PGCKA1: variants seen among roughly 807,000 people sequenced by gnomAD.
PGCKA1 encodes PDCD10 and GCKIII kinases associated 1, also known as PDCD10 and GCKIII kinases-associated protein 1.
chr4:37,494,595 T>C, the PGCKA1 span, among the ~76,000 whole-genome samples: 1 of 152,224 alleles, frequency 6.6e-6, no homozygotes, highest in African/African-American at 2.4e-5. Flanking sequence ...TATGTGTGCA[T>C]ATGTCTTTAT....
chr4:37,463,382 T>A, the PGCKA1 span, among the ~76,000 whole-genome samples: 1 of 152,322 alleles, frequency 6.6e-6, no homozygotes, highest in African/African-American at 2.4e-5. Flanking sequence ...ACCGTCAAGA[T>A]TGCAGTTACA....
chr4:37,460,918 T>C, the PGCKA1 span: 1 of 392,104 alleles, frequency 2.6e-6, no homozygotes, highest in Non-Finnish European at 4.9e-6. Context: ...CCCATGCCTA[T>C]GTCCTGAGTG....
the PGCKA1 span, among the ~76,000 whole-genome samples, chr4:37,533,545 A>G: frequency 5.9e-5 from 9 of 152,232 alleles, no homozygotes; most frequent in African/African-American, 2.2e-4. Context: ...TTCGCTTATA[A>G]ATAAGCAAAC....
the PGCKA1 span, among the ~76,000 whole-genome samples, chr4:37,540,666 C>T: frequency 1.3e-5 from 2 of 152,122 alleles, no homozygotes; most frequent in Non-Finnish European, 2.9e-5. Context: ...TCTTGGGATA[C>T]AGGGAAGGCC....
chr4:37,520,863 C>T, the PGCKA1 span, among the ~76,000 whole-genome samples: 19 of 152,262 alleles, frequency 1.2e-4, no homozygotes, highest in East Asian at 3.9e-4. Flanking sequence ...GCAATCCGCC[C>T]GCCTCAGCCT....
the PGCKA1 span, among the ~76,000 whole-genome samples, chr4:37,573,918 A>C: frequency 1.3e-5 from 2 of 152,194 alleles, no homozygotes; most frequent in Non-Finnish European, 2.9e-5. Flanking sequence ...ATCTGGGTGC[A>C]GTGGCTCATG....
At chr4:37,542,209 AT>A in the PGCKA1 span, among the ~76,000 whole-genome samples, 1 of 152,218 alleles carries the variant, frequency 6.6e-6, no homozygotes, top group East Asian at 1.9e-4. Flanking sequence ...TACTTAAATT[AT>A]TACCACCAGG....
the PGCKA1 span, among the ~76,000 whole-genome samples, chr4:37,463,384 G>T: frequency 6.6e-6 from 1 of 152,192 alleles, no homozygotes; most frequent in Admixed American, 6.5e-5. Flanking sequence ...CGTCAAGATT[G>T]CAGTTACAAT....
chr4:37,482,374 C>A, the PGCKA1 span, among the ~76,000 whole-genome samples: 1 of 152,140 alleles, frequency 6.6e-6, no homozygotes, highest in Admixed American at 6.6e-5. Flanking sequence ...AGATGAAGAA[C>A]TTGTTGGGAA....
the PGCKA1 span, among the ~76,000 whole-genome samples, chr4:37,489,870 T>C: frequency 1.3e-5 from 2 of 152,178 alleles, no homozygotes; most frequent in Non-Finnish European, 2.9e-5. Context: ...TGCAAATGAA[T>C]GTAACCTGAG....
the PGCKA1 span, chr4:37,590,939 C>A: frequency 6.2e-6 from 10 of 1,613,946 alleles, no homozygotes; most frequent in Admixed American, 5.0e-5. Flanking sequence ...GCAGCGGTGG[C>A]GGAGGCCCTT....
chr4:37,460,551 C>T, the PGCKA1 span: 2 of 453,408 alleles, frequency 4.4e-6, 1 homozygote, highest in South Asian at 3.1e-5. Context: ...GCTGTGGAAT[C>T]TCATTGTGGT....
At chr4:37,568,344 G>A in the PGCKA1 span, among the ~76,000 whole-genome samples, 35,304 of 152,126 alleles carry the variant, frequency 0.23, 4,436 homozygotes, top group Non-Finnish European at 0.26. Context: ...GAGGCCCAGG[G>A]TTGCCACCAG....
the PGCKA1 span, among the ~76,000 whole-genome samples, chr4:37,461,887 T>G: frequency 6.6e-6 from 1 of 151,956 alleles, no homozygotes; most frequent in Non-Finnish European, 1.5e-5. Flanking sequence ...CAAAGCACCT[T>G]CCATGGGACT....
the PGCKA1 span, among the ~76,000 whole-genome samples, chr4:37,562,580 G>T: frequency 6.6e-6 from 1 of 152,210 alleles, no homozygotes; most frequent in African/African-American, 2.4e-5. Flanking sequence ...GGCAGTGGGA[G>T]TGCACATAGT....
chr4:37,553,000 G>A, the PGCKA1 span, among the ~76,000 whole-genome samples: 55 of 152,112 alleles, frequency 3.6e-4, 1 homozygote, highest in South Asian at 6.3e-4. Flanking sequence ...TGTCCTCTCC[G>A]CCTAATTAAT....
At chr4:37,493,036 A>C in the PGCKA1 span, among the ~76,000 whole-genome samples, 4 of 152,066 alleles carry the variant, frequency 2.6e-5, no homozygotes, top group African/African-American at 9.7e-5. Context: ...GTGTGTATGT[A>C]TGTATATGTG....
chr4:37,470,955 A>AT, the PGCKA1 span, among the ~76,000 whole-genome samples: 7 of 152,344 alleles, frequency 4.6e-5, no homozygotes, highest in South Asian at 1.4e-3. Flanking sequence ...AACATCTCCC[A>AT]TATACTAGGA....
At chr4:37,547,748 G>A in the PGCKA1 span, among the ~76,000 whole-genome samples, 11 of 152,222 alleles carry the variant, frequency 7.2e-5, no homozygotes, top group South Asian at 2.3e-3. Context: ...GGCTGGCAGA[G>A]GCAAGGAAAG....
Sources: allele counts gnomAD v4.1 joint callset (sites outside exome capture counted in the v4.1 genomes callset), GRCh38; gene constraint gnomAD v4.1.1; transcripts MANE v1.5; gene names NCBI Gene and HGNC (gene_info 2026-07-23, HGNC 2026-07-21).